Variants in TCF4 observed in about 807,000 individuals in gnomAD.
TCF4 encodes SL3-3 enhancer factor 2.
TCF4 carries 3 observed loss-of-function variants against 82.1 expected under a neutral mutation model. The observed-to-expected ratio is 0.04, with a 90% confidence interval of 0.02 to 0.09. TCF4 has a LOEUF of 0.09. Among genes scored for constraint, TCF4 ranks in the 10% least tolerant of loss-of-function variants. The probability of loss-of-function intolerance (pLI) is 1.00; values close to 1 mark genes in which losing one functional copy is unlikely to be tolerated. For missense variants in TCF4, 518 were observed against 852.7 expected (o/e 0.61, Z 4.89); for synonymous variants, 276 against 309.6 (o/e 0.89, Z 1.14).
At chr18:55,426,017 A>G (rs1423772458) in intron 5 of TCF4, among the ~76,000 whole-genome samples, 1 of 152,032 alleles carries the variant, frequency 6.6e-6, no homozygotes, top group African/African-American at 2.4e-5. Context: ...TAGCTCTGAG[A>G]TGGATACAAC....
intron 8 of TCF4, among the ~76,000 whole-genome samples, chr18:55,327,714 T>A (rs114065849): frequency 0.011 from 1,717 of 152,250 alleles, 47 homozygotes; most frequent in African/African-American, 0.037. Flanking sequence ...TTTTGATCCA[T>A]AAGTAAATAT....
chr18:55,550,475 C>T (rs1171898120), intron 3 of TCF4: 2 of 152,144 alleles, frequency 1.3e-5, no homozygotes, highest in East Asian at 3.9e-4. Context: ...GACTCCCTAA[C>T]GGTGAGTTAC....
chr18:55,233,623 C>T (rs931820358), intron 16 of TCF4, among the ~76,000 whole-genome samples: 1 of 152,012 alleles, frequency 6.6e-6, no homozygotes, highest in Non-Finnish European at 1.5e-5. Flanking sequence ...CAAGACCAGC[C>T]TGGCTAATGT....
chr18:55,556,138 C>T (rs1159965512), intron 3 of TCF4, among the ~76,000 whole-genome samples: 1 of 151,196 alleles, frequency 6.6e-6, no homozygotes, highest in Non-Finnish European at 1.5e-5. Context: ...AGCTTATATA[C>T]CTTTATCTTT....
intron 8 of TCF4, among the ~76,000 whole-genome samples, chr18:55,281,428 A>G (rs2062583585): frequency 1.3e-5 from 2 of 152,082 alleles, no homozygotes. Flanking sequence ...TGTGACTATA[A>G]TATATCTACA....
Position 55,633,667 on chromosome 18 carries a change from C to T in TCF4, c.195+2036G>A, listed in dbSNP as rs79794046. 0.023 allele frequency among the ~76,000 whole-genome samples: 3,431 copies of T among 151,972 alleles called. 129 individuals are homozygous for T. Among genetic ancestry groups the T allele is most frequent in the African/African-American group, 0.078 (3,210 of 41,406 alleles). On this transcript the variant is annotated intron_variant, in intron 1 of 20. Transcript: ENST00000398339. The surrounding 1 kb of genome is among the most constrained non-coding windows in gnomAD (Gnocchi z 4.0). ...GTGGGCAAACTTTTTCTGTAAAGGG[C>T]CAGATAGCAAATTTTTTAAGCATTG...
intron 3 of TCF4, among the ~76,000 whole-genome samples, chr18:55,492,644 T>C (rs1406704399): frequency 2.6e-5 from 4 of 152,214 alleles, no homozygotes; most frequent in East Asian, 1.9e-4. Context: ...CAACCAAACC[T>C]ACAGCTCAAG....
chr18:55,396,945 T>C (rs933341195), intron 6 of TCF4, among the ~76,000 whole-genome samples: 2 of 152,190 alleles, frequency 1.3e-5, no homozygotes, highest in East Asian at 3.8e-4. Context: ...GTGGAAGGAA[T>C]GATGGAATTT....
intron 6 of TCF4, among the ~76,000 whole-genome samples, chr18:55,370,669 C>A (rs902954384): frequency 9.2e-5 from 14 of 151,990 alleles, no homozygotes; most frequent in South Asian, 2.1e-4. Flanking sequence ...ACTCTCCCCC[C>A]CAAAATTAGA....
At chr18:55,482,663 T>C (rs777380741) in intron 3 of TCF4, 1 of 152,210 alleles carries the variant, frequency 6.6e-6, no homozygotes, top group Non-Finnish European at 1.5e-5. Flanking sequence ...ACTTTCTTAA[T>C]TGTGAACATC....
chr18:55,553,520 A>G (rs528486832), intron 3 of TCF4: 4 of 152,324 alleles, frequency 2.6e-5, no homozygotes, highest in South Asian at 2.1e-4. Flanking sequence ...TCTTTGTTCC[A>G]GCATGCAAAT....
intron 1 of TCF4, among the ~76,000 whole-genome samples, chr18:55,632,225 A>C (rs1214324946): frequency 6.6e-6 from 1 of 152,104 alleles, no homozygotes; most frequent in Non-Finnish European, 1.5e-5. Context: ...TTTTTAGTAG[A>C]GACGGGGTTT....
chr18:55,480,386 C>T (rs1341412131), intron 3 of TCF4, among the ~76,000 whole-genome samples: 2 of 147,826 alleles, frequency 1.4e-5, no homozygotes, highest in African/African-American at 5.0e-5. Flanking sequence ...ACAAAATGTA[C>T]ATAAAATAGG....
At chr18:55,372,531 T>G (rs1298882889) in intron 6 of TCF4, among the ~76,000 whole-genome samples, 1 of 152,066 alleles carries the variant, frequency 6.6e-6, no homozygotes. Flanking sequence ...GTAGCCAAAC[T>G]TGCCTTCAAA....
chr18:55,588,403 G>GA (rs536947841), upstream of TCF4: 13,701 of 1,094,792 alleles, frequency 0.013, 23 homozygotes, highest in African/African-American at 0.042. Context: ...ACCCCGAGGG[G>GA]AAAAAAAAAA....
Position 55,626,475 on chromosome 18 carries a change from A to G in TCF4, c.286+4823T>C, listed in dbSNP as rs185862387. 2.0e-3 allele frequency among the ~76,000 whole-genome samples: 301 copies of G among 152,276 alleles called. 4 individuals carry two copies. The highest frequency in any genetic ancestry group is 0.014 in the Middle Eastern group (4 of 294). ...GAGGACATCACAGGTGGAATTTTATATATGTTTGGTGTTCCAGGAGCAAAC... is the reference window on the plus strand; with the variant it reads ...GAGGACATCACAGGTGGAATTTTATGTATGTTTGGTGTTCCAGGAGCAAAC... On this transcript the variant is annotated intron_variant, in intron 2 of 20. Coordinates refer to the TCF4 transcript ENST00000398339.
chr18:55,446,124 C>T (rs1170667735), intron 5 of TCF4, among the ~76,000 whole-genome samples: 2 of 152,136 alleles, frequency 1.3e-5, no homozygotes, highest in Non-Finnish European at 1.5e-5. Flanking sequence ...TTACCCTAAC[C>T]TCTGCCTCCC....
chr18:55,325,215 A>G (rs928218973), intron 8 of TCF4, among the ~76,000 whole-genome samples: 1 of 152,138 alleles, frequency 6.6e-6, no homozygotes, highest in Non-Finnish European at 1.5e-5. Flanking sequence ...GTGATTCCCA[A>G]CTTTGGGTTA....
At chr18:55,475,543 A>G (rs1469048064) in intron 3 of TCF4, among the ~76,000 whole-genome samples, 2 of 152,244 alleles carry the variant, frequency 1.3e-5, no homozygotes, top group Non-Finnish European at 2.9e-5. Context: ...GAACATTCAA[A>G]CTAATTTTTA....
Sources: allele counts gnomAD v4.1 joint callset (sites outside exome capture counted in the v4.1 genomes callset), GRCh38; gene constraint gnomAD v4.1.1; non-coding constraint Gnocchi (gnomAD v3.1); transcripts MANE v1.5; gene names NCBI Gene and HGNC (gene_info 2026-07-23, HGNC 2026-07-21).